RDX: variants seen among roughly 807,000 people sequenced by gnomAD.
The protein encoded by RDX is radixin, also known as deafness, autosomal recessive 24.
A neutral mutation model predicts 83.7 loss-of-function variants in RDX; 32 were observed. That is an observed-to-expected ratio of 0.38 (90% CI 0.29 to 0.51). RDX has a LOEUF of 0.51. Ranked by LOEUF, RDX falls within the 20% of genes least tolerant of loss-of-function variation. The pLI is 0.87. For missense variants in RDX, 600 were observed against 689.9 expected, an observed-to-expected ratio of 0.87 and a Z score of 1.46; for synonymous variants, 229 against 222.7, an observed-to-expected ratio of 1.03 and a Z score of -0.25.
intron 8 of RDX, 128 bp downstream of exon 8, chr11:110,255,161 G>GATGAAATAATGGA: frequency 1.7e-6 from 1 of 587,810 alleles, no homozygotes. Flanking sequence ...TGGGAAAGCT[G>GATGAAATAATGGA]ACCTATGGAA....
chr11:110,277,795 A>C (rs560278752), intron 2 of RDX, among the ~76,000 whole-genome samples: 102 of 152,094 alleles, frequency 6.7e-4, no homozygotes, highest in Non-Finnish European at 1.1e-3. Context: ...CAAGAGCAAA[A>C]GTTTTTAATT....
intron 15 of RDX, chr11:110,180,052 C>A: frequency 3.4e-6 from 1 of 292,926 alleles, no homozygotes; most frequent in Admixed American, 4.0e-5. Context: ...CAGACAGGCA[C>A]CACCACGCCT....
intron 14 of RDX, among the ~76,000 whole-genome samples, chr11:110,214,222 C>CA (rs1397087274): frequency 6.6e-6 from 1 of 150,508 alleles, no homozygotes; most frequent in Non-Finnish European, 1.5e-5. Context: ...TTTATGCAGC[C>CA]AAAAAACACA....
chr11:110,219,748 G>A (rs1864181986), intron 14 of RDX, among the ~76,000 whole-genome samples: 1 of 152,236 alleles, frequency 6.6e-6, no homozygotes, highest in Middle Eastern at 3.4e-3. Context: ...GTTTAAGGAG[G>A]GAAGATCTTG....
At position 110,275,516 on chromosome 11, in the gene RDX, C is replaced by T. The variant is rs114299610; in HGVS notation, c.13-2897G>A. Among the ~76,000 whole-genome samples the T allele has an allele frequency of 8.9e-3, 1,361 of 152,218 alleles. 27 individuals carry two copies. The highest frequency in any genetic ancestry group is 0.031 in the African/African-American group (1,290 of 41,542). On this transcript the variant is annotated intron_variant, in intron 2 of 13. Transcript: ENST00000645495. ...AGACCAATGGAAAACTAGTACAATA[C>T]GTTTAACTGACCACTCATTCTCATC... is the stretch of plus-strand genomic sequence containing the variant.
chr11:110,242,471 A>G (rs577521483), intron 10 of RDX, among the ~76,000 whole-genome samples: 1 of 151,408 alleles, frequency 6.6e-6, no homozygotes, highest in African/African-American at 2.4e-5. Context: ...AAAAAAAAAA[A>G]GCCAAAAACC....
At chr11:110,175,325 T>G (rs1591493214) in intron 15 of RDX, 1 of 152,374 alleles carries the variant, frequency 6.6e-6, no homozygotes, top group East Asian at 1.9e-4. Context: ...CCTATTTAGC[T>G]TTCAGACTCT....
chr11:110,292,223 G>A (rs1436201198), intron 1 of RDX, among the ~76,000 whole-genome samples: 2 of 151,916 alleles, frequency 1.3e-5, no homozygotes, highest in Non-Finnish European at 2.9e-5. Context: ...AACCCTGGAG[G>A]CAGAGGCTGT....
intron 14 of RDX, among the ~76,000 whole-genome samples, chr11:110,218,194 TTTCTTG>T (rs1202727718): frequency 4.6e-5 from 7 of 152,182 alleles, no homozygotes; most frequent in African/African-American, 7.2e-5. Context: ...GAGACAGCAT[TTTCTTG>T]TTCTTGTTAT....
chr11:110,260,707 C>T (rs1447493881), intron 5 of RDX, among the ~76,000 whole-genome samples: 1 of 152,162 alleles, frequency 6.6e-6, no homozygotes, highest in Admixed American at 6.5e-5. Context: ...CCCTTGGATA[C>T]CAAAAACTGT....
chr11:110,237,768 C>T (rs755602868), intron 10 of RDX, 116 bp from the exon 11 acceptor site: 3 of 1,090,582 alleles, frequency 2.8e-6, no homozygotes, highest in Non-Finnish European at 2.8e-6. Flanking sequence ...AGTTAGCACA[C>T]ATGTAAATAC....
chr11:110,271,403 A>G (rs1860306660), intron 3 of RDX, among the ~76,000 whole-genome samples: 1 of 152,196 alleles, frequency 6.6e-6, no homozygotes, highest in Non-Finnish European at 1.5e-5. Flanking sequence ...TGAAGTTTAT[A>G]TAAAAGTTAT....
intron 1 of RDX, among the ~76,000 whole-genome samples, chr11:110,295,642 GAAA>G (rs370760081): frequency 8.2e-6 from 1 of 122,256 alleles, no homozygotes. Flanking sequence ...TGTTTAAACT[GAAA>G]AAAAAAAAAA....
chr11:110,237,871 G>A (rs773751568), intron 10 of RDX: 15 of 603,524 alleles, frequency 2.5e-5, no homozygotes, highest in African/African-American at 3.6e-5. Context: ...TCATGGGCTC[G>A]AGCAATCCTC....
intron 15 of RDX, among the ~76,000 whole-genome samples, chr11:110,198,323 T>C (rs909283577): frequency 6.6e-6 from 1 of 151,988 alleles, no homozygotes; most frequent in Non-Finnish European, 1.5e-5. Context: ...ATCATGGTAA[T>C]CATATTGAAA....
intron 15 of RDX, among the ~76,000 whole-genome samples, chr11:110,189,196 G>A (rs1200774592): frequency 5.8e-5 from 7 of 121,320 alleles, no homozygotes; most frequent in African/African-American, 2.1e-4. Context: ...GAGAGCAGGA[G>A]CCAATAGTTT....
At position 110,233,418 on chromosome 11, in the gene RDX, G is replaced by GC. The variant is rs1372141763; in HGVS notation, c.1405dup (p.Ala469GlyfsTer19). The stretch of plus-strand genomic sequence containing the variant: ...TGGTGGTGGTGGAGGTGGAGGGGGG[G>GC]CAGACATCACAGTTTTTAACTCTTC... On this transcript the variant is annotated frameshift_variant, in exon 13 of 14. Transcript: ENST00000645495. 2 of 1,613,902 alleles carry GC rather than the reference G, an allele frequency of 1.2e-6. No individual in the cohort carries two copies. The highest frequency in any genetic ancestry group is 2.2e-5 in the South Asian group (2 of 91,066).
chr11:110,295,133 G>A (rs1013234199), intron 1 of RDX, among the ~76,000 whole-genome samples: 1 of 151,964 alleles, frequency 6.6e-6, no homozygotes, highest in African/African-American at 2.4e-5. Context: ...AGCACACTGG[G>A]GAAAGCAAAG....
At chr11:110,179,666 G>A (rs1461280264) in intron 15 of RDX, among the ~76,000 whole-genome samples, 2 of 151,976 alleles carry the variant, frequency 1.3e-5, no homozygotes, top group Non-Finnish European at 2.9e-5. Flanking sequence ...CCAGCTATTC[G>A]GGAAGCCAAG....
Sources: gnomAD v4.1 joint callset for allele counts (sites outside exome capture counted in the v4.1 genomes callset) on GRCh38, gnomAD v4.1.1 for gene constraint, MANE v1.5 for transcripts, NCBI Gene and HGNC (gene_info 2026-07-23, HGNC 2026-07-21) for gene names.